The following SPTAN1 variants were observed in gnomAD, a reference collection of about 807,000 sequenced individuals.
SPTAN1 encodes spectrin alpha chain, non-erythrocytic 1.
A neutral mutation model predicts 331.3 loss-of-function variants in SPTAN1; 61 were observed. The observed-to-expected ratio is 0.18, with a 90% CI of 0.15 to 0.23. SPTAN1 has a LOEUF of 0.23. SPTAN1 is among the 10% of genes least tolerant of loss of function. SPTAN1 has a pLI of 1.00. For missense variants in SPTAN1, 2,043 were observed against 3,147.9 expected, an observed-to-expected ratio of 0.65 and a Z score of 8.40; for synonymous variants, 1,153 against 1,173.9, an observed-to-expected ratio of 0.98 and a Z score of 0.36.
At chr9:128,604,835 G>A (rs896604459) in intron 29 of SPTAN1, among the ~76,000 whole-genome samples, 199 bp from the exon 30 acceptor site, 12 of 152,134 alleles carry the variant, frequency 7.9e-5, no homozygotes, top group African/African-American at 2.7e-4. Context: ...GGAGGTTGAG[G>A]CAGGAGAATC....
rs370113838 is a variant in SPTAN1 at position 128,626,645 on chromosome 9, G to T, written c.6534G>T (p.Glu2178Asp). The change falls in exon 49 of 57, where the codon GAG becomes GAT. Residue 2178 changes from glutamate to aspartate, a missense_variant. By Grantham distance (45) the Glu-to-Asp change is conservative. Around this residue, in one of 12 missense-constraint regions of SPTAN1, gnomAD observed 256 missense variants for 376.4 expected, o/e 0.68. Coordinates refer to ENST00000372739, the MANE Select transcript of SPTAN1 (RefSeq NM_001130438.3). Reference sequence around the variant, plus strand: ...ACCCCTACACCTGGTTTACCATGGAGGCCCTGGAGGAGACCTGGAGGAACC... The same window carrying T: ...ACCCCTACACCTGGTTTACCATGGATGCCCTGGAGGAGACCTGGAGGAACC... ...ASNPYTWFTM[E>D]ALEETWRNLQ... 1 of 1,613,414 alleles carries T rather than the reference G, an allele frequency of 6.2e-7. No homozygotes were observed. The highest frequency in any genetic ancestry group is 8.5e-7 in the Non-Finnish European group (1 of 1,179,790).
Position 128,618,041 on chromosome 9 carries a change from G to T in SPTAN1, c.5533G>T (p.Glu1845Ter). The T allele has an allele frequency of 6.2e-7, 1 of 1,614,090 alleles. No homozygotes were observed. Among genetic ancestry groups the T allele is most frequent in the Non-Finnish European group, 8.5e-7 (1 of 1,179,978 alleles). Residue 1845 changes from glutamate (E) to a stop codon, truncating the protein, a stop_gained, in exon 43 of 57, where the codon GAG becomes TAG. Coordinates refer to ENST00000372739, the MANE Select transcript of SPTAN1 (RefSeq NM_001130438.3). LOFTEE classifies it high-confidence loss of function. The part of the protein sequence containing the change: ...LSDDNTIGKE[E>*]IQQRLAQFVE... The stretch of plus-strand genomic sequence containing the variant: ...CGATGACAACACCATCGGGAAAGAG[G>T]AGATCCAGCAGCGGCTGGCGCAGTT...
intron 1 of SPTAN1, chr9:128,555,462 C>T: frequency 8.1e-7 from 1 of 1,231,830 alleles, no homozygotes; most frequent in South Asian, 1.3e-5. Flanking sequence ...GCAGTGAAGG[C>T]ATATTCGTGT....
intron 44 of SPTAN1, 90 bp downstream of exon 44, chr9:128,619,093 G>T: frequency 6.3e-7 from 1 of 1,581,922 alleles, no homozygotes; most frequent in Non-Finnish European, 8.6e-7. Context: ...AGAGGGCCCT[G>T]CTCTTACTAG....
intron 21 of SPTAN1, among the ~76,000 whole-genome samples, chr9:128,590,740 A>G (rs1354313687): frequency 1.3e-5 from 2 of 151,952 alleles, no homozygotes; most frequent in African/African-American, 4.8e-5. Context: ...AGTCCCAGCT[A>G]CTTGGGAGGC....
rs1472503313 is a variant in SPTAN1, at chr9:128,579,703, G to C, written c.1288G>C (p.Ala430Pro). Reference sequence around the variant, plus strand: ...TGAATCTGGACAGGCACTGCTTGCTGCTGGTCACTATGCCTCAGATGAAGT... The same window carrying C: ...TGAATCTGGACAGGCACTGCTTGCTCCTGGTCACTATGCCTCAGATGAAGT... ...ADESGQALLA[A>P]GHYASDEVRE... Residue 430 changes from alanine to proline, a missense_variant, in exon 10 of 57, where the codon GCT (alanine) becomes CCT (proline). Around this residue, in one of 12 missense-constraint regions of SPTAN1, gnomAD observed 1,038 missense variants for 1,531.5 expected, o/e 0.68. Transcript: ENST00000372739. 6.2e-7 allele frequency: 1 copy of C among 1,614,014 alleles called. No individual in the cohort carries two copies. Among genetic ancestry groups the C allele is most frequent in the Non-Finnish European group, 8.5e-7 (1 of 1,180,010 alleles).
At chr9:128,630,470 A>G in intron 52 of SPTAN1, 95 bp downstream of exon 52, 1 of 1,223,606 alleles carries the variant, frequency 8.2e-7, no homozygotes, top group East Asian at 2.3e-5. Flanking sequence ...CAGGAACCAG[A>G]TGTGCTATTA....
chr9:128,625,832 A>G lies in SPTAN1; in HGVS notation c.6133A>G (p.Lys2045Glu), dbSNP rs753515426. 4.7e-5 allele frequency: 76 copies of G among 1,614,074 alleles called. No homozygotes were observed. The Admixed American group carries it at 1.2e-3, about 25-fold the overall frequency. ...QEGIANITAL[K>E]DQLLAAKHVQ... is the part of the protein sequence containing the mutation. ...AGGCATTGCCAACATCACTGCCCTC[A>G]AAGATCAGCTTCTCGCCGCCAAACA... is the stretch of plus-strand genomic sequence containing the variant. Residue 2045 changes from lysine to glutamate, a missense_variant, in exon 48 of 57, where the codon AAA becomes GAA. Physicochemically the swap from Lys to Glu is moderately conservative, Grantham distance 56. Coordinates refer to ENST00000372739, the MANE Select transcript of SPTAN1 (RefSeq NM_001130438.3). This position sits in a 1 kb window ranked among gnomAD's most constrained non-coding sequence, Gnocchi z 4.1.
intron 41 of SPTAN1, 22 bp downstream of exon 41, chr9:128,615,862 GA>G (rs1344449734): frequency 6.2e-7 from 1 of 1,613,466 alleles, no homozygotes; most frequent in Admixed American, 1.7e-5. Flanking sequence ...CAGCCCTCTA[GA>G]AGGCCCCTTA....
chr9:128,630,886 G>A (rs1227184295), intron 52 of SPTAN1, among the ~76,000 whole-genome samples: 1 of 152,060 alleles, frequency 6.6e-6, no homozygotes, highest in East Asian at 1.9e-4. Flanking sequence ...TGTATTTTTA[G>A]TAGAGACAGG....
chr9:128,621,933 C>T lies in SPTAN1; in HGVS notation c.5832+677C>T, dbSNP rs527584454. On this transcript the variant is annotated intron_variant, in intron 45 of 56. Transcript: ENST00000372739. ...ACCAGCAATCACTCAGGTGCAGTGA[C>T]GCACCTGGAGTGCCTCAGGACAGAG... The T allele has an allele frequency of 3.0e-4, 47 of 158,384 alleles. 1 individual carries two copies. The South Asian group carries it at 6.4e-3, about 21-fold the overall frequency. 9.8% of individuals were successfully genotyped at this position (158,384 alleles called of 1,614,324 possible).
Position 128,582,960 on chromosome 9 carries a change from C to A in SPTAN1, c.1806+111C>A. The A allele has an allele frequency of 2.5e-6, 4 of 1,581,536 alleles. No homozygotes were observed. In the Admixed American group the frequency reaches 6.7e-5, roughly 26 times the overall value. ...ATAAGGGATTCCAGAAACCCCACTA[C>A]TTAATGTAAGCCAACTGTTTTATAC... On this transcript the variant is annotated intron_variant, in intron 14 of 56. Transcript: ENST00000372739.
Position 128,629,016 on chromosome 9 carries a change from G to A in SPTAN1, c.6707+1074G>A, listed in dbSNP as rs561330541. On this transcript the variant is annotated intron_variant, in intron 51 of 56. Transcript: ENST00000372739. The surrounding 1 kb of genome is among the most constrained non-coding windows in gnomAD (Gnocchi z 4.9). ...CCTCCAGGTACCCGCCGGGCACCAGGTTGCCCTTGCCTGCGCCCTGCCAGC... is the reference window on the plus strand; with the variant it reads ...CCTCCAGGTACCCGCCGGGCACCAGATTGCCCTTGCCTGCGCCCTGCCAGC... The A allele has an allele frequency of 1.4e-4, 56 of 396,838 alleles. No homozygotes were observed. Among genetic ancestry groups the A allele is most frequent in the Middle Eastern group, 1.3e-3 (2 of 1,584 alleles). The allele number at this position is 396,838 out of a possible 1,614,324, so 24.6% of individuals were successfully genotyped here. A position where few individuals can be genotyped will look rare whatever the true frequency, so the allele number is the denominator to read the frequency against.
chr9:128,614,915 G>A (rs567446498), intron 40 of SPTAN1, among the ~76,000 whole-genome samples: 5 of 152,254 alleles, frequency 3.3e-5, no homozygotes, highest in South Asian at 4.1e-4. Flanking sequence ...ATCATGCATG[G>A]CTCATTTGGT....
rs1227963998 is a variant in SPTAN1, at chr9:128,589,384, G to A, written c.3006+441G>A. Among the ~76,000 whole-genome samples the A allele has an allele frequency of 2.0e-5, 3 of 149,516 alleles. No individual in the cohort carries two copies. In the Admixed American group the frequency reaches 2.0e-4, roughly 10 times the overall value. ...GCTCACTGCAAGCTCCGCCTCCTGC[G>A]TTCACCCCATTCTCCTGCCTCAGCC... On this transcript the variant is annotated intron_variant, in intron 21 of 56. Transcript: ENST00000372739.
intron 1 of SPTAN1, among the ~76,000 whole-genome samples, chr9:128,563,715 CTTTT>C (rs532597370): frequency 6.0e-5 from 8 of 133,502 alleles, no homozygotes; most frequent in Admixed American, 7.6e-5. Context: ...TCAACCATTT[CTTTT>C]TTTTTTTTTT....
intron 39 of SPTAN1, 146 bp from the exon 40 acceptor site, chr9:128,613,235 G>A: frequency 1.4e-6 from 1 of 722,652 alleles, no homozygotes; most frequent in Non-Finnish European, 2.5e-6. Flanking sequence ...GATTGGGGTG[G>A]CTAGGAATCA....
At position 128,633,505 on chromosome 9, in the gene SPTAN1, T is replaced by C; in HGVS notation, c.*171T>C. ...CCCGCTTCCGGTCCAGTCACAATCA[T>C]CATGTCACTGTGGGGACCCAGATCT... On this transcript the variant is annotated 3_prime_UTR_variant, in exon 57 of 57. Coordinates refer to ENST00000372739, the MANE Select transcript of SPTAN1 (RefSeq NM_001130438.3). 1 of 1,214,596 alleles carries C rather than the reference T, an allele frequency of 8.2e-7. No homozygotes were observed. The highest frequency in any genetic ancestry group is 1.3e-5 in the South Asian group (1 of 78,000). 75.2% of individuals were successfully genotyped at this position (1,214,596 alleles called of 1,614,324 possible). A position where few individuals can be genotyped will look rare whatever the true frequency, so the allele number is the denominator to read the frequency against.
chr9:128,621,741 A>G (rs929720500), intron 45 of SPTAN1: 3 of 198,374 alleles, frequency 1.5e-5, no homozygotes, highest in African/African-American at 6.9e-5. Context: ...TAAATTATCA[A>G]AAACCTCGAG....
Sources: allele counts gnomAD v4.1 joint callset (sites outside exome capture counted in the v4.1 genomes callset), GRCh38; gene constraint gnomAD v4.1.1; regional missense constraint gnomAD v4.1.1; non-coding constraint Gnocchi (gnomAD v3.1); transcripts MANE v1.5; gene names NCBI Gene and HGNC (gene_info 2026-07-23, HGNC 2026-07-21).